USP42: variants seen among roughly 807,000 people sequenced by gnomAD.
The protein encoded by USP42 is ubiquitin specific peptidase 42.
USP42 carries 23 observed loss-of-function variants against 113.0 expected under a neutral mutation model. That is an observed-to-expected ratio of 0.20 (90% CI 0.15 to 0.29). USP42 has a LOEUF of 0.29. USP42 is among the 10% of genes least tolerant of loss of function. The probability of loss-of-function intolerance (pLI) is 1.00; values close to 1 mark genes in which losing one functional copy is unlikely to be tolerated. For synonymous variants in USP42, 933 were observed against 699.0 expected (o/e 1.33, Z -5.28); for missense variants, 2,174 against 1,779.8 (o/e 1.22, Z -3.99).
intron 7 of USP42, among the ~76,000 whole-genome samples, chr7:6,141,196 C>CTTTTTTTTTTTTT (rs199589142): frequency 7.6e-6 from 1 of 131,872 alleles, no homozygotes; most frequent in African/African-American, 2.8e-5. Context: ...TTTTCTTTTT[C>CTTTTTTTTTTTTT]TTTTCTTTTT....
At chr7:6,087,936 A>C in the USP42 span, among the ~76,000 whole-genome samples, 2 of 151,170 alleles carry the variant, frequency 1.3e-5, no homozygotes. Context: ...ACAGTAAATG[A>C]GTTAACATAT....
chr7:6,142,079 T>G (rs1781460679), intron 7 of USP42, among the ~76,000 whole-genome samples: 1 of 152,218 alleles, frequency 6.6e-6, no homozygotes, highest in East Asian at 1.9e-4. Context: ...GCTTCCAGTT[T>G]TATGTATTGC....
intron 2 of USP42, 133 bp from the exon 3 acceptor site, chr7:6,115,190 C>T: frequency 1.2e-6 from 1 of 813,894 alleles, no homozygotes; most frequent in South Asian, 1.7e-5. Flanking sequence ...TGTCCCTCTT[C>T]CCCCTGTATT....
At chr7:6,132,534 T>C (rs778577940) in intron 3 of USP42, among the ~76,000 whole-genome samples, 15 of 150,648 alleles carry the variant, frequency 1.0e-4, no homozygotes, top group Non-Finnish European at 1.9e-4. Flanking sequence ...ATTTTTTGGA[T>C]TTTTAGTAGA....
At chr7:6,100,473 G>A (rs1029043963), upstream of USP42, among the ~76,000 whole-genome samples, 2 of 150,658 alleles carry the variant, frequency 1.3e-5, no homozygotes, top group Admixed American at 6.6e-5. Flanking sequence ...GGGATTACAG[G>A]TGCTTGCAAC....
the USP42 span, among the ~76,000 whole-genome samples, chr7:6,097,574 G>A: frequency 6.7e-6 from 1 of 149,358 alleles, no homozygotes; most frequent in Non-Finnish European, 1.5e-5. Context: ...GCCCAGCCAT[G>A]TGGGTTATTT....
intron 3 of USP42, chr7:6,116,550 T>TAA: frequency 1.1e-5 from 3 of 270,878 alleles, no homozygotes; most frequent in South Asian, 3.4e-5. Context: ...TACTAGGATT[T>TAA]AAAAAAAAAA....
chr7:6,114,933 G>A (rs534576309), intron 2 of USP42, among the ~76,000 whole-genome samples: 5 of 151,488 alleles, frequency 3.3e-5, no homozygotes, highest in South Asian at 2.1e-4. Context: ...CTCATAATCC[G>A]CCTGCCTCAG....
rs1782520040 is a variant in USP42 at position 6,157,456 on chromosome 7, G to A, written c.3943+401G>A. 1.0e-5 allele frequency: 9 copies of A among 890,780 alleles called. No individual in the cohort carries two copies. In the South Asian group the frequency reaches 1.5e-4, roughly 15 times the overall value. The allele number at this position is 890,780 out of a possible 1,614,324, so 55.2% of individuals were successfully genotyped here. On this transcript the variant is annotated intron_variant, in intron 16 of 17. Transcript: ENST00000306177. The surrounding 1 kb of genome is among the most constrained non-coding windows in gnomAD (Gnocchi z 4.1). Reference sequence around the variant, plus strand: ...CTATTGCCCAGGCTGGAGTGCAGTGGCGGCGATCTCAGCTCACTGCAACCT... The same window carrying A: ...CTATTGCCCAGGCTGGAGTGCAGTGACGGCGATCTCAGCTCACTGCAACCT...
At chr7:6,144,753 C>T (rs916485484) in intron 9 of USP42, among the ~76,000 whole-genome samples, 32 of 151,922 alleles carry the variant, frequency 2.1e-4, no homozygotes, top group African/African-American at 7.7e-4. Flanking sequence ...ACTTGTAATC[C>T]TAGCTACTCG....
chr7:6,122,292 T>G (rs1047183423), intron 3 of USP42, among the ~76,000 whole-genome samples: 1 of 151,614 alleles, frequency 6.6e-6, no homozygotes, highest in African/African-American at 2.4e-5. Flanking sequence ...TTTTTTTTTT[T>G]TTTTTTAAAG....
At chr7:6,103,380 C>G (rs899503370), upstream of USP42, among the ~76,000 whole-genome samples, 2 of 150,430 alleles carry the variant, frequency 1.3e-5, no homozygotes, top group Non-Finnish European at 2.9e-5. Flanking sequence ...CTACAAAATA[C>G]AAAAAATTAG....
At chr7:6,114,249 C>G (rs939853377) in intron 2 of USP42, among the ~76,000 whole-genome samples, 5 of 152,052 alleles carry the variant, frequency 3.3e-5, no homozygotes, top group Non-Finnish European at 7.4e-5. Flanking sequence ...ATGGTAAGGA[C>G]GGCAGTGATG....
intron 15 of USP42, among the ~76,000 whole-genome samples, chr7:6,155,656 C>T (rs1226016578): frequency 1.3e-5 from 2 of 152,198 alleles, no homozygotes; most frequent in African/African-American, 2.4e-5. Context: ...TTTCCTGTGC[C>T]TGCCCGCCTG....
chr7:6,154,720 T>G lies in USP42; in HGVS notation c.3166T>G (p.Trp1056Gly). The part of the protein sequence containing the change: ...REKFYPDRPR[W>G]DRCRYYHDRY... ...GAAGTTCTACCCCGACAGGCCGCGC[T>G]GGGACAGGTGCCGGTACTACCATGA... The change falls in exon 15 of 18, where the codon TGG (tryptophan) becomes GGG (glycine). Residue 1056 changes from tryptophan to glycine, a missense_variant. Physicochemically the swap from Trp to Gly is radical, Grantham distance 184. Transcript: ENST00000306177. 6.3e-7 allele frequency: 1 copy of G among 1,591,258 alleles called. No homozygotes were observed. The highest frequency in any genetic ancestry group is 8.5e-7 in the Non-Finnish European group (1 of 1,170,330).
the USP42 span, among the ~76,000 whole-genome samples, chr7:6,090,465 G>A: frequency 4.2e-5 from 6 of 143,524 alleles, 1 homozygote; most frequent in Non-Finnish European, 6.0e-5. Context: ...CTCTAATCCC[G>A]GCACTTTGGG....
chr7:6,125,348 G>C (rs1238862647), intron 3 of USP42, among the ~76,000 whole-genome samples: 1 of 152,080 alleles, frequency 6.6e-6, no homozygotes, highest in Non-Finnish European at 1.5e-5. Flanking sequence ...AAATTAGCCT[G>C]ACATGGTGGC....
chr7:6,133,417 A>T (rs889998087), intron 3 of USP42, among the ~76,000 whole-genome samples: 15 of 151,988 alleles, frequency 9.9e-5, no homozygotes, highest in Admixed American at 8.5e-4. Context: ...TTTATTATGG[A>T]TATTTTCTAC....
intron 1 of USP42, among the ~76,000 whole-genome samples, chr7:6,109,733 C>T (rs555165485): frequency 1.4e-3 from 187 of 135,138 alleles, no homozygotes; most frequent in Middle Eastern, 4.9e-3. Context: ...CTTAATCTTG[C>T]TCTGTCACCA....
Sources: gnomAD v4.1 joint callset for allele counts (sites outside exome capture counted in the v4.1 genomes callset) on GRCh38, gnomAD v4.1.1 for gene constraint, Gnocchi (gnomAD v3.1) non-coding constraint, MANE v1.5 for transcripts, NCBI Gene and HGNC (gene_info 2026-07-23, HGNC 2026-07-21) for gene names.